Variants in CXorf65 observed in about 807,000 individuals in gnomAD.
The protein encoded by CXorf65 is uncharacterized protein CXorf65.
For missense variants in CXorf65, 137 were observed against 144.7 expected (o/e 0.95, Z 0.27); for synonymous variants, 54 against 51.4 (o/e 1.05, Z -0.21).
chrX:71,106,071 G>T lies in CXorf65; in HGVS notation c.179C>A (p.Ala60Glu). The change falls in exon 3 of 6, where the codon GCA becomes GAA. Residue 60 changes from alanine (A) to glutamate (E), a missense_variant. Transcript: ENST00000374251. ...KMLFLMKPNH[A>E]EYASKYLTAR... Reference sequence around the variant, plus strand: ...TGTAAGGTATTTGCTGGCATACTCTGCATGATTGGGCTTCATCAGGAAAAG... The same window carrying T: ...TGTAAGGTATTTGCTGGCATACTCTTCATGATTGGGCTTCATCAGGAAAAG... 1 of 1,210,333 alleles carries T rather than the reference G, an allele frequency of 8.3e-7. No homozygotes were observed. Among genetic ancestry groups the T allele is most frequent in the Non-Finnish European group, 1.1e-6 (1 of 894,218 alleles).
intron 4 of CXorf65, 181 bp from the exon 5 acceptor site, chrX:71,104,585 C>T (rs765930181): frequency 7.1e-5 from 35 of 495,910 alleles, no homozygotes; most frequent in Non-Finnish European, 1.1e-4. Flanking sequence ...TGGGGAGTAA[C>T]GCATGCACAT....
intron 3 of CXorf65, among the ~76,000 whole-genome samples, chrX:71,105,775 G>T (rs1039219266): frequency 1.8e-5 from 2 of 110,380 alleles, no homozygotes; most frequent in Non-Finnish European, 3.8e-5. Flanking sequence ...GGTTTTGGTT[G>T]TTTTTGGTTT....
intron 3 of CXorf65, 22 bp from the exon 4 acceptor site, chrX:71,104,859 A>T: frequency 8.4e-7 from 1 of 1,188,866 alleles, no homozygotes; most frequent in Non-Finnish European, 1.1e-6. Flanking sequence ...GCCATGTGCT[A>T]TCTCCAGCCC....
In CXorf65 at chrX:71,106,653, G is replaced by C. The variant is rs2092249879; in HGVS notation, c.-97C>G. 9 of 1,199,081 alleles carry C rather than the reference G, an allele frequency of 7.5e-6. No homozygotes were observed. The South Asian group carries it at 1.6e-4, about 22-fold the overall frequency. On this transcript the variant is annotated 5_prime_UTR_variant, in exon 1 of 6. Transcript: ENST00000374251. The stretch of plus-strand genomic sequence containing the variant: ...TTGTGTGGGGCAAATAGGCCTATAG[G>C]GTTGGTGGACTAGAGAGGCAGATGG...
chrX:71,103,993 C>A lies in CXorf65; in HGVS notation c.546G>T (p.Lys182Asn), dbSNP rs1239422605. The part of the protein sequence containing the change: ...GRQLNKTTKQ[K>N]K ...AGTAATTTCACACCTAGTATTACTT[C>A]TTTTGCTTGGTGGTTTTATTGAGTT... Residue 182 changes from lysine (K) to asparagine (N), a missense_variant, in exon 6 of 6, where the codon AAG becomes AAT. Lys to Asn is a moderately conservative substitution (Grantham distance 94, BLOSUM62 0). Coordinates refer to ENST00000374251, the MANE Select transcript of CXorf65 (RefSeq NM_001025265.3). 5.8e-6 allele frequency: 7 copies of A among 1,209,191 alleles called. 1 individual carries two copies. The highest frequency in any genetic ancestry group is 6.7e-6 in the Non-Finnish European group (6 of 894,058).
chrX:71,104,245 C>T, intron 5 of CXorf65, 53 bp downstream of exon 5: 2 of 1,107,134 alleles, frequency 1.8e-6, no homozygotes, highest in South Asian at 1.9e-5. Flanking sequence ...AACATTCAGT[C>T]GGCTGGTAGG....
rs941787200 is a variant in CXorf65 at position 71,104,649 on chromosome X, C to G, written c.319+120G>C. ...CTAAAGTGGACCTGGACCCTGCCCG[C>G]CTTTTCCTAGGCTCCTATCATCTGA... On this transcript the variant is annotated intron_variant, in intron 4 of 5. Coordinates refer to ENST00000374251, the MANE Select transcript of CXorf65 (RefSeq NM_001025265.3). The G allele has an allele frequency of 5.0e-5, 37 of 744,247 alleles. No individual in the cohort carries two copies. The African/African-American group carries it at 6.7e-4, about 14-fold the overall frequency. 61.3% of individuals were successfully genotyped at this position (744,247 alleles called of 1,213,427 possible). A position where few individuals can be genotyped will look rare whatever the true frequency, so the allele number is the denominator to read the frequency against.
intron 3 of CXorf65, 92 bp from the exon 4 acceptor site, chrX:71,104,929 ACCCGC>A (rs1463534584): frequency 4.7e-6 from 4 of 845,632 alleles, no homozygotes; most frequent in Non-Finnish European, 6.9e-6. Context: ...ACTAAAGACT[ACCCGC>A]CAGATGCGGT....
At chrX:71,106,315 TTA>T in intron 2 of CXorf65, 23 bp downstream of exon 2, 1 of 1,172,060 alleles carries the variant, frequency 8.5e-7, no homozygotes. Context: ...CCTTTGGCCA[TTA>T]GTCCCCTCCC....
At chrX:71,104,239 T>C in intron 5 of CXorf65, 59 bp downstream of exon 5, 1 of 1,106,350 alleles carries the variant, frequency 9.0e-7, no homozygotes, top group Non-Finnish European at 1.2e-6. Flanking sequence ...TGTAGGAACA[T>C]TCAGTCGGCT....
intron 3 of CXorf65, 70 bp downstream of exon 3, chrX:71,105,930 T>C: frequency 1.4e-5 from 15 of 1,111,017 alleles, no homozygotes; most frequent in Non-Finnish European, 1.7e-5. Flanking sequence ...ATGCCTTGTT[T>C]TAAAGATAAG....
chrX:71,106,147 G>C lies in CXorf65; in HGVS notation c.113-10C>G. On this transcript the variant is annotated splice_polypyrimidine_tract_variant and intron_variant, in intron 2 of 5. Coordinates refer to ENST00000374251, the MANE Select transcript of CXorf65 (RefSeq NM_001025265.3). ...CACAAATCGATGGTGTCTGGAGGGA[G>C]ATCACAGGGTAATTGGGGCAGCTAA... is the stretch of plus-strand genomic sequence containing the variant. 2 of 1,209,038 alleles carry C rather than the reference G, an allele frequency of 1.7e-6. No individual in the cohort carries two copies. Among genetic ancestry groups the C allele is most frequent in the South Asian group, 3.5e-5 (2 of 56,711 alleles).
In CXorf65 at chrX:71,104,753, C is replaced by A. The variant is rs1398196073; in HGVS notation, c.319+16G>T. 8.4e-7 allele frequency: 1 copy of A among 1,196,434 alleles called. No individual in the cohort carries two copies. Among genetic ancestry groups the A allele is most frequent in the Admixed American group, 2.2e-5 (1 of 45,884 alleles). ...TGTACCCTTCATGTTCTTCCCTCCC[C>A]CATCTCACTTCTTACCAAGCAGCCA... On this transcript the variant is annotated intron_variant, in intron 4 of 5. Coordinates refer to ENST00000374251, the MANE Select transcript of CXorf65 (RefSeq NM_001025265.3).
chrX:71,106,714 A>G lies in CXorf65; in HGVS notation c.-158T>C, dbSNP rs2092250095. ...CTGAGGATGCCCAGGCTGGACAGGC[A>G]GGAGAGAGCTGTTGATAGTTGTGGA... On this transcript the variant is annotated 5_prime_UTR_variant, in exon 1 of 6. Transcript: ENST00000374251. 12 of 1,139,660 alleles carry G rather than the reference A, an allele frequency of 1.1e-5. 1 individual carries two copies. The South Asian group carries it at 1.6e-4, about 16-fold the overall frequency. 93.9% of individuals were successfully genotyped at this position (1,139,660 alleles called of 1,213,427 possible).
intron 3 of CXorf65, 79 bp downstream of exon 3, chrX:71,105,921 T>C: frequency 1.9e-6 from 2 of 1,058,844 alleles, no homozygotes; most frequent in Non-Finnish European, 2.6e-6. Flanking sequence ...CAGCCTTGGA[T>C]GCCTTGTTTT....
At chrX:71,104,458 C>T in intron 4 of CXorf65, 54 bp from the exon 5 acceptor site, 1 of 799,688 alleles carries the variant, frequency 1.3e-6, no homozygotes, top group East Asian at 3.3e-5. Flanking sequence ...CCTTACCCTT[C>T]CTGATGCTCC....
rs750596617 is a variant in CXorf65 at position 71,106,364 on chromosome X, T to C, written c.88A>G (p.Ser30Gly). ...CTTGTTTTAGGCAACTTTACTTTAC[T>C]GCGGATGTAATACAGCAACACGACG... The part of the protein sequence containing the change: ...AVVVLLYYIR[S>G]KVKLPKTNTI... Residue 30 changes from serine to glycine, a missense_variant, in exon 2 of 6, where the codon AGT (serine) becomes GGT (glycine). Physicochemically the swap from Ser to Gly is moderately conservative, Grantham distance 56 (BLOSUM62 0). Transcript: ENST00000374251. 2.6e-5 allele frequency: 32 copies of C among 1,210,195 alleles called. No homozygotes were observed. The South Asian group carries it at 5.6e-4, about 21-fold the overall frequency.
chrX:71,104,420 AG>A lies in CXorf65; in HGVS notation c.320-17del, dbSNP rs747462400. 9.4e-7 allele frequency: 1 copy of A among 1,068,662 alleles called. No homozygotes were observed. The highest frequency in any genetic ancestry group is 1.9e-5 in the African/African-American group (1 of 54,033). The allele number at this position is 1,068,662 out of a possible 1,213,427, so 88.1% of individuals were successfully genotyped here. A position where few individuals can be genotyped will look rare whatever the true frequency, so the allele number is the denominator to read the frequency against. On this transcript the variant is annotated splice_polypyrimidine_tract_variant and intron_variant, in intron 4 of 5. Transcript: ENST00000374251. ...CGCAGTGCAACTAAGAACAAGGAAA[AG>A]GCACCTGCACCTCTGAGAACTAGAG...
rs765249440 is a variant in CXorf65 at position 71,106,011 on chromosome X, C to T, written c.239G>A (p.Arg80His). Residue 80 changes from arginine to histidine, a missense_variant, in exon 3 of 6, where the codon CGT becomes CAT. By Grantham distance (29) the Arg-to-His change is conservative. Coordinates refer to ENST00000374251, the MANE Select transcript of CXorf65 (RefSeq NM_001025265.3). ...TCCTGAGCCTCTACCTGGTGGCCCA[C>T]GTTCCACCTTACAAACGTAGTAGGT... Reference protein sequence around the residue: ...RSTYYVCKVERGPPGTRLENA... With the variant: ...RSTYYVCKVEHGPPGTRLENA... The T allele has an allele frequency of 3.6e-5, 43 of 1,208,782 alleles. No homozygotes were observed. The East Asian group carries it at 1.0e-3, about 29-fold the overall frequency.
Sources: allele counts gnomAD v4.1 joint callset (sites outside exome capture counted in the v4.1 genomes callset), GRCh38; gene constraint gnomAD v4.1.1; transcripts MANE v1.5; gene names NCBI Gene and HGNC (gene_info 2026-07-23, HGNC 2026-07-21).